Variants in CHST1 observed in about 807,000 individuals in gnomAD.
The protein encoded by CHST1 is carbohydrate sulfotransferase 1.
A neutral mutation model predicts 22.5 loss-of-function variants in CHST1; 10 were observed. That is an observed-to-expected ratio of 0.44 (90% CI 0.27 to 0.75). The LOEUF (loss-of-function observed/expected upper bound fraction) is 0.75. Ranked by LOEUF, CHST1 falls within the 30% of genes least tolerant of loss-of-function variation. The pLI is 0.15. For missense variants in CHST1, 439 were observed against 576.1 expected (o/e 0.76, Z 2.44); for synonymous variants, 267 against 264.5 (o/e 1.01, Z -0.09).
chr11:45,658,053 T>TGAG (rs1030353129), intron 1 of CHST1, among the ~76,000 whole-genome samples: 39 of 152,290 alleles, frequency 2.6e-4, no homozygotes, highest in African/African-American at 9.4e-4. Flanking sequence ...GTCCACATGA[T>TGAG]ACCCATGGAT....
At position 45,649,297 on chromosome 11, in the gene CHST1, A is replaced by G. The variant is rs1851957201; in HGVS notation, c.*391T>C. On this transcript the variant is annotated 3_prime_UTR_variant, in exon 4 of 4. Coordinates refer to ENST00000308064, the MANE Select transcript of CHST1 (RefSeq NM_003654.6). ...TTGTATCCTCTTACCTTGAATAGTA[A>G]GACAGTGCAAAAACTAGATACCCGA... 3 of 208,262 alleles carry G rather than the reference A, an allele frequency of 1.4e-5. No homozygotes were observed. In the East Asian group the frequency reaches 3.6e-4, roughly 25 times the overall value. The allele number at this position is 208,262 out of a possible 1,614,324, so 12.9% of individuals were successfully genotyped here. A position where few individuals can be genotyped will look rare whatever the true frequency, so the allele number is the denominator to read the frequency against.
rs1031499572 is a variant in CHST1 at position 45,648,110 on chromosome 11, G to C, written c.*1578C>G. ...GCACAGCAGATTCTCTGCCAGTGTAGACACCAGTAAACCTGTACCAGTTAT... is the reference window on the plus strand; with the variant it reads ...GCACAGCAGATTCTCTGCCAGTGTACACACCAGTAAACCTGTACCAGTTAT... On this transcript the variant is annotated 3_prime_UTR_variant, in exon 4 of 4. Transcript: ENST00000308064. 6.6e-6 allele frequency among the ~76,000 whole-genome samples: 1 copy of C among 152,204 alleles called. No homozygotes were observed. Among genetic ancestry groups the C allele is most frequent in the East Asian group, 1.9e-4 (1 of 5,194 alleles).
chr11:45,648,311 T>C lies in CHST1; in HGVS notation c.*1377A>G, dbSNP rs1334150532. Among the ~76,000 whole-genome samples, 1 of 151,686 alleles carries C rather than the reference T, an allele frequency of 6.6e-6. No individual in the cohort carries two copies. Among genetic ancestry groups the C allele is most frequent in the Non-Finnish European group, 1.5e-5 (1 of 67,942 alleles). ...CATTCTTACCTCCAGCTACTCTGATTCAGCAAGCCATACCACTTGTTAAAG... is the reference window on the plus strand; with the variant it reads ...CATTCTTACCTCCAGCTACTCTGATCCAGCAAGCCATACCACTTGTTAAAG... On this transcript the variant is annotated 3_prime_UTR_variant, in exon 4 of 4. Coordinates refer to ENST00000308064, the MANE Select transcript of CHST1 (RefSeq NM_003654.6).
chr11:45,664,711 G>C (rs964932795), intron 1 of CHST1, among the ~76,000 whole-genome samples: 4 of 152,232 alleles, frequency 2.6e-5, no homozygotes, highest in Non-Finnish European at 4.4e-5. Flanking sequence ...TGCGGAGGCC[G>C]GGCCAGGGCT....
intron 1 of CHST1, among the ~76,000 whole-genome samples, chr11:45,655,946 TG>T (rs1405145845): frequency 6.6e-6 from 1 of 152,104 alleles, no homozygotes; most frequent in Non-Finnish European, 1.5e-5. Context: ...CCATTGGGAG[TG>T]GGAAAAACCC....
Position 45,649,744 on chromosome 11 carries a change from GCTC to G in CHST1, c.1177_1179del (p.Glu393del), listed in dbSNP as rs1851965610. On this transcript the variant is annotated inframe_deletion, in exon 4 of 4. Transcript: ENST00000308064. The stretch of plus-strand genomic sequence containing the variant: ...ACCAGGCTGACCGAGGGGTTCTTCA[GCTC>G]CTCCTCCGAGGCGGCGATCTTGTAG... 6.2e-7 allele frequency: 1 copy of G among 1,608,588 alleles called. No homozygotes were observed. Among genetic ancestry groups the G allele is most frequent in the Non-Finnish European group, 8.5e-7 (1 of 1,178,634 alleles).
chr11:45,651,020 G>A, intron 3 of CHST1, 55 bp from the exon 4 acceptor site: 1 of 1,347,466 alleles, frequency 7.4e-7, no homozygotes, highest in Non-Finnish European at 9.9e-7. Context: ...GCACTGGCTT[G>A]TCCCTTGGAA....
intron 1 of CHST1, among the ~76,000 whole-genome samples, chr11:45,658,586 G>A (rs890687216): frequency 2.0e-5 from 3 of 152,024 alleles, no homozygotes; most frequent in Non-Finnish European, 4.4e-5. Flanking sequence ...TCCCAGGCCC[G>A]ACCTGAGGGG....
chr11:45,658,008 T>G (rs1852083888), intron 1 of CHST1, among the ~76,000 whole-genome samples: 1 of 152,196 alleles, frequency 6.6e-6, no homozygotes, highest in Middle Eastern at 3.2e-3. Context: ...CTGCCTCTTA[T>G]GAGCTCTGGT....
intron 3 of CHST1, 30 bp from the exon 4 acceptor site, chr11:45,650,995 G>A: frequency 1.4e-6 from 2 of 1,470,260 alleles, no homozygotes; most frequent in African/African-American, 2.8e-5. Flanking sequence ...GCGGTCAGGT[G>A]CCTCCACGGC....
chr11:45,658,672 T>C (rs1035010134), intron 1 of CHST1, among the ~76,000 whole-genome samples: 3 of 151,996 alleles, frequency 2.0e-5, no homozygotes, highest in Non-Finnish European at 4.4e-5. Context: ...CCAGCTCCTC[T>C]GGGGGAGGGA....
chr11:45,650,952 C>G lies in CHST1; in HGVS notation c.-29G>C. 6.6e-7 allele frequency: 1 copy of G among 1,518,304 alleles called. No homozygotes were observed. The highest frequency in any genetic ancestry group is 1.4e-5 in the African/African-American group (1 of 71,968). The allele number at this position is 1,518,304 out of a possible 1,614,324, so 94.1% of individuals were successfully genotyped here. A position where few individuals can be genotyped will look rare whatever the true frequency, so the allele number is the denominator to read the frequency against. Reference sequence around the variant, plus strand: ...TGGGCACCTTCATGGGGCTGCTTCTCCAAGGGGTGAGGTCTGTGGGCAAAG... The same window carrying G: ...TGGGCACCTTCATGGGGCTGCTTCTGCAAGGGGTGAGGTCTGTGGGCAAAG... On this transcript the variant is annotated 5_prime_UTR_variant, in exon 4 of 4. Coordinates refer to ENST00000308064, the MANE Select transcript of CHST1 (RefSeq NM_003654.6).
chr11:45,654,425 C>T (rs939899340), intron 1 of CHST1, among the ~76,000 whole-genome samples: 30 of 152,230 alleles, frequency 2.0e-4, no homozygotes, highest in South Asian at 4.1e-4. Context: ...GGAATGGGAA[C>T]GGGAAGATGG....
chr11:45,663,837 A>C (rs1852164396), intron 1 of CHST1, among the ~76,000 whole-genome samples: 1 of 152,178 alleles, frequency 6.6e-6, no homozygotes, highest in South Asian at 2.1e-4. Flanking sequence ...AGCTCCCTAA[A>C]GACCCGGTAG....
intron 1 of CHST1, among the ~76,000 whole-genome samples, chr11:45,664,297 G>C (rs551508144): frequency 3.3e-5 from 5 of 152,170 alleles, no homozygotes; most frequent in Non-Finnish European, 7.4e-5. Context: ...TCAGGCACCT[G>C]GACCCTAGGA....
In CHST1 at chr11:45,650,018, G is replaced by A; in HGVS notation, c.906C>T (p.Tyr302=). The A allele has an allele frequency of 3.7e-6, 6 of 1,614,002 alleles. No individual in the cohort carries two copies. Among genetic ancestry groups the A allele is most frequent in the Non-Finnish European group, 5.1e-6 (6 of 1,180,006 alleles). The stretch of plus-strand genomic sequence containing the variant: ...TCATAGGGTTCCGAGCCAGGTCCTC[G>A]TAGCGCACCAACATGTACTTGCCCT... The part of the protein sequence containing the change: ...WLKGKYMLVR[Y]EDLARNPMKK... The change falls in exon 4 of 4, where the codon TAC becomes TAT. Residue 302 remains tyrosine (Y), a synonymous_variant. Coordinates refer to ENST00000308064, the MANE Select transcript of CHST1 (RefSeq NM_003654.6).
chr11:45,655,976 T>C (rs112049266), intron 1 of CHST1, among the ~76,000 whole-genome samples: 5 of 152,218 alleles, frequency 3.3e-5, no homozygotes, highest in African/African-American at 1.2e-4. Context: ...TCCAGGAGGA[T>C]TCTAGGGCTG....
At chr11:45,662,162 C>T (rs777215286) in intron 1 of CHST1, among the ~76,000 whole-genome samples, 8 of 152,184 alleles carry the variant, frequency 5.3e-5, no homozygotes, top group Non-Finnish European at 1.0e-4. Flanking sequence ...ACCAGCCTCT[C>T]TAGGATCAGG....
chr11:45,653,287 A>G (rs1035247382), intron 1 of CHST1, among the ~76,000 whole-genome samples: 6 of 152,050 alleles, frequency 3.9e-5, no homozygotes, highest in African/African-American at 1.2e-4. Context: ...TGGAGAAATC[A>G]AGTCGTGTTT....
Sources: allele counts gnomAD v4.1 joint callset (sites outside exome capture counted in the v4.1 genomes callset), GRCh38; gene constraint gnomAD v4.1.1; transcripts MANE v1.5; gene names NCBI Gene and HGNC (gene_info 2026-07-23, HGNC 2026-07-21).